Variants in CD101 observed in about 807,000 individuals in gnomAD.
CD101 encodes the protein immunoglobulin superfamily member 2.
CD101 carries 76 observed loss-of-function variants against 98.2 expected under a neutral mutation model. The observed-to-expected ratio is 0.77, with a 90% CI of 0.64 to 0.94. The LOEUF is 0.94. Among genes scored for constraint, CD101 ranks in the 40% least tolerant of loss-of-function variants. The pLI is 0.00. For missense variants in CD101, 1,145 were observed against 1,218.8 expected, an observed-to-expected ratio of 0.94 and a Z score of 0.90; for synonymous variants, 471 against 472.7, an observed-to-expected ratio of 1.00 and a Z score of 0.05.
In CD101 at chr1:117,010,888, GC is replaced by G. The variant is rs922079960; in HGVS notation, c.424+659del. Among the ~76,000 whole-genome samples the G allele has an allele frequency of 2.0e-5, 3 of 152,032 alleles. No homozygotes were observed. The highest frequency in any genetic ancestry group is 4.4e-5 in the Non-Finnish European group (3 of 68,016). ...CATGTATCCAGTTACATGGTAATTG[GC>G]TATTTGTATGCCTCTTTCCCACCAC... On this transcript the variant is annotated intron_variant, in intron 2 of 9. Coordinates refer to ENST00000682167, the MANE Select transcript of CD101 (RefSeq NM_001256106.3). The surrounding 1 kb of genome is among the most constrained non-coding windows in gnomAD (Gnocchi z 5.2).
At chr1:117,014,204 T>C (rs1653067013) in intron 4 of CD101, among the ~76,000 whole-genome samples, 1 of 145,220 alleles carries the variant, frequency 6.9e-6, no homozygotes, top group South Asian at 2.3e-4. Flanking sequence ...TGTGTGTGTG[T>C]GTGTGTGTGT....
chr1:117,031,279 G>C (rs1654447424), intron 8 of CD101, among the ~76,000 whole-genome samples: 2 of 152,160 alleles, frequency 1.3e-5, no homozygotes. Context: ...CAAGCCCTCT[G>C]GCTGTTCCTT....
chr1:117,033,653 G>A lies in CD101; in HGVS notation c.2825-207G>A, dbSNP rs1403367515. Among the ~76,000 whole-genome samples, 1 of 152,150 alleles carries A rather than the reference G, an allele frequency of 6.6e-6. No homozygotes were observed. The highest frequency in any genetic ancestry group is 1.5e-5 in the Non-Finnish European group (1 of 68,026). On this transcript the variant is annotated intron_variant, in intron 8 of 9. Coordinates refer to ENST00000682167, the MANE Select transcript of CD101 (RefSeq NM_001256106.3). The surrounding 1 kb of genome is among the most constrained non-coding windows in gnomAD (Gnocchi z 4.8). ...GTGGTTGGAAATCGCAGGGCAAGGG[G>A]CTGTTGCATTAGAAGAGCCTGTTCC...
Position 117,017,269 on chromosome 1 carries a change from C to T in CD101, c.1408C>T (p.Gln470Ter), listed in dbSNP as rs375502803. The change falls in exon 5 of 10, where the codon CAG becomes TAG. Residue 470 changes from glutamine (Q) to a stop codon, truncating the protein, a stop_gained. Transcript: ENST00000682167. LOFTEE classifies it high-confidence loss of function. Reference sequence around the variant, plus strand: ...TGGCATGGGGCAGGATGGCATTGTGCAGCTGGGTGCCTCCTATGGGGTACC... The same window carrying T: ...TGGCATGGGGCAGGATGGCATTGTGTAGCTGGGTGCCTCCTATGGGGTACC... Reference protein sequence around the residue: ...VAGMGQDGIVQLGASYGVPSY... With the variant: ...VAGMGQDGIV 1.1e-5 allele frequency: 18 copies of T among 1,614,068 alleles called. No individual in the cohort carries two copies. Among genetic ancestry groups the T allele is most frequent in the Non-Finnish European group, 1.5e-5 (18 of 1,180,034 alleles).
In CD101 at chr1:117,029,273, G is replaced by GAA. The variant is rs1289214690; in HGVS notation, c.2824+3370_2824+3371insAA. Among the ~76,000 whole-genome samples the GAA allele has an allele frequency of 4.4e-4, 57 of 128,126 alleles. 1 individual carries two copies. The highest frequency in any genetic ancestry group is 1.2e-3 in the African/African-American group (42 of 34,846). 84.1% of individuals were successfully genotyped at this position (128,126 alleles called of 152,430 possible). A position where few individuals can be genotyped will look rare whatever the true frequency, so the allele number is the denominator to read the frequency against. ...AGAAAGAAAGAAAGAAAGAAAGAAA[G>GAA]AGTAGATACGGTTGACAGTCCAACA... On this transcript the variant is annotated intron_variant, in intron 8 of 9. Transcript: ENST00000682167.
At chr1:117,026,034 C>T in intron 8 of CD101, 130 bp downstream of exon 8, 1 of 997,328 alleles carries the variant, frequency 1.0e-6, no homozygotes, top group East Asian at 2.6e-5. Flanking sequence ...TTTTCAGGTT[C>T]CCTAAAGAAG....
At position 117,005,270 on chromosome 1, in the gene CD101, C is replaced by T. The variant is rs540660661; in HGVS notation, c.43+3410C>T. ...CATTCTCCATCCCACCCCTTCCTAC[C>T]GCTCCTCACCTAGCTACTCTTTCTA... On this transcript the variant is annotated intron_variant, in intron 1 of 9. Coordinates refer to ENST00000682167, the MANE Select transcript of CD101 (RefSeq NM_001256106.3). This position sits in a 1 kb window ranked among gnomAD's most constrained non-coding sequence, Gnocchi z 4.4. Among the ~76,000 whole-genome samples the T allele has an allele frequency of 7.9e-5, 12 of 152,186 alleles. No individual in the cohort carries two copies. Among genetic ancestry groups the T allele is most frequent in the Non-Finnish European group, 1.2e-4 (8 of 67,988 alleles).
chr1:117,028,102 T>TA (rs112056134), intron 8 of CD101, among the ~76,000 whole-genome samples: 63,564 of 144,958 alleles, frequency 0.44, 14,252 homozygotes, highest in East Asian at 0.74. Context: ...AATAAATAAA[T>TA]AAATAAAATA....
rs1557782420 is a variant in CD101, at chr1:117,033,900, ACT to A, written c.2868_2869del (p.Tyr957PhefsTer54). 3.1e-6 allele frequency: 5 copies of A among 1,613,270 alleles called. No individual in the cohort carries two copies. Among genetic ancestry groups the A allele is most frequent in the Non-Finnish European group, 4.2e-6 (5 of 1,179,878 alleles). On this transcript the variant is annotated frameshift_variant, in exon 9 of 10. Transcript: ENST00000682167. LOFTEE classifies it high-confidence loss of function. The surrounding 1 kb of genome is among the most constrained non-coding windows in gnomAD (Gnocchi z 4.8). ...PSRICSSAPLLYFLFICPFVL... is the reference protein window; with the variant it reads ...PSRICSSAPLXYFLFICPFVL... ...CCAGGATCTGCTCCTCGGCCCCTTT[ACT>A]CTATTTCCTGTTCATCTGTCCCTTC...
In CD101 at chr1:117,011,944, C is replaced by T; in HGVS notation, c.819C>T (p.Thr273=). ...TCACCAAAAAGCAGACCGATCAAAC[C>T]ACTCTGAGGATCCAGCCAGCAGGTA... The part of the protein sequence containing the change: ...MFITKKQTDQ[T]TLRIQPAVKD... The change falls in exon 3 of 10, where the codon ACC becomes ACT. Residue 273 remains threonine, a synonymous_variant. Transcript: ENST00000682167. 6.2e-7 allele frequency: 1 copy of T among 1,612,740 alleles called. No individual in the cohort carries two copies. The highest frequency in any genetic ancestry group is 1.7e-5 in the Admixed American group (1 of 59,968).
chr1:117,011,335 A>G (rs147426818), intron 2 of CD101, among the ~76,000 whole-genome samples: 1 of 152,184 alleles, frequency 6.6e-6, no homozygotes, highest in Non-Finnish European at 1.5e-5. Flanking sequence ...CAACACATTG[A>G]TGAGGCATTT....
At position 117,021,140 on chromosome 1, in the gene CD101, C is replaced by G. The variant is rs969179322; in HGVS notation, c.2018-433C>G. Reference sequence around the variant, plus strand: ...ACTCTGCATAGTAAACACACAAACACAGCATTAATAGGGCCACTTTCTCCC... The same window carrying G: ...ACTCTGCATAGTAAACACACAAACAGAGCATTAATAGGGCCACTTTCTCCC... On this transcript the variant is annotated intron_variant, in intron 6 of 9. Coordinates refer to ENST00000682167, the MANE Select transcript of CD101 (RefSeq NM_001256106.3). The surrounding 1 kb of genome is among the most constrained non-coding windows in gnomAD (Gnocchi z 4.7). Among the ~76,000 whole-genome samples the G allele has an allele frequency of 1.2e-4, 18 of 152,214 alleles. No homozygotes were observed. The highest frequency in any genetic ancestry group is 4.3e-4 in the African/African-American group (18 of 41,456).
chr1:117,024,392 G>T (rs528474978), intron 7 of CD101, among the ~76,000 whole-genome samples: 5 of 152,220 alleles, frequency 3.3e-5, no homozygotes, highest in African/African-American at 1.2e-4. Flanking sequence ...CAGGATAATC[G>T]CTTGAACCCG....
intron 9 of CD101, 100 bp downstream of exon 9, chr1:117,034,234 G>GAGA: frequency 2.7e-6 from 3 of 1,097,100 alleles, no homozygotes; most frequent in Non-Finnish European, 3.9e-6. Context: ...GAATCAGAGG[G>GAGA]AGCATTCACT....
At chr1:117,014,411 A>G (rs1036073210) in intron 4 of CD101, among the ~76,000 whole-genome samples, 12 of 152,146 alleles carry the variant, frequency 7.9e-5, no homozygotes, top group African/African-American at 2.9e-4. Context: ...GTAAGAAATG[A>G]AGAGGTAATT....
chr1:117,033,792 G>A lies in CD101; in HGVS notation c.2825-68G>A, dbSNP rs1654617834. 3 of 1,595,716 alleles carry A rather than the reference G, an allele frequency of 1.9e-6. No homozygotes were observed. Among genetic ancestry groups the A allele is most frequent in the South Asian group, 1.1e-5 (1 of 89,182 alleles). ...TTGCCTATAACAATAAATCCCAGGA[G>A]TGTTTGTAATTGACTAGTACAAATA... On this transcript the variant is annotated intron_variant, in intron 8 of 9. Coordinates refer to ENST00000682167, the MANE Select transcript of CD101 (RefSeq NM_001256106.3). This position sits in a 1 kb window ranked among gnomAD's most constrained non-coding sequence, Gnocchi z 4.8.
chr1:117,018,501 A>G lies in CD101; in HGVS notation c.1958A>G (p.Asn653Ser), dbSNP rs1570728099. The G allele has an allele frequency of 1.2e-6, 2 of 1,613,302 alleles. No homozygotes were observed. The highest frequency in any genetic ancestry group is 8.5e-7 in the Non-Finnish European group (1 of 1,179,494). Residue 653 changes from asparagine to serine, a missense_variant, in exon 6 of 10, where the codon AAC (asparagine) becomes AGC (serine). By Grantham distance (46) the Asn-to-Ser change is conservative (BLOSUM62 1). Transcript: ENST00000682167. The surrounding 1 kb of genome is among the most constrained non-coding windows in gnomAD (Gnocchi z 4.3). Reference protein sequence around the residue: ...EVYDRNSLYNNRPPRASAISH... With the variant: ...EVYDRNSLYNSRPPRASAISH... ...TATGACAGAAATTCCCTATACAACA[A>G]CCGCCCCCCGAGGGCTTCTGCCATC...
In CD101 at chr1:117,034,029, G is replaced by A. The variant is rs1557782731; in HGVS notation, c.2994G>A (p.Trp998Ter). 2 of 1,614,032 alleles carry A rather than the reference G, an allele frequency of 1.2e-6. No individual in the cohort carries two copies. Among genetic ancestry groups the A allele is most frequent in the African/African-American group, 1.3e-5 (1 of 74,908 alleles). ...ACACACGGAAAGAAAAAGCTCTCTGGGTGGACTTGAAAGAGGCTGGAGGTG... is the reference window on the plus strand; with the variant it reads ...ACACACGGAAAGAAAAAGCTCTCTGAGTGGACTTGAAAGAGGCTGGAGGTG... ...RSNTRKEKAL[W>*]VDLKEAGGVT... The change falls in exon 9 of 10, where the codon TGG (tryptophan) becomes TGA (stop). Residue 998 changes from tryptophan (W) to a stop codon, truncating the protein, a stop_gained. Transcript: ENST00000682167. LOFTEE classifies it high-confidence loss of function.
Position 117,036,263 on chromosome 1 carries a change from A to C in CD101, c.*129A>C, listed in dbSNP as rs1267098012. On this transcript the variant is annotated 3_prime_UTR_variant, in exon 10 of 10. Transcript: ENST00000682167. The surrounding 1 kb of genome is among the most constrained non-coding windows in gnomAD (Gnocchi z 5.0). ...CTCCTGACAGACCCCGGCAACTTCT[A>C]GATGAACCCAAGTGAACTTTCCTCA... 2.6e-5 allele frequency: 4 copies of C among 152,286 alleles called. No individual in the cohort carries two copies. Among genetic ancestry groups the C allele is most frequent in the Non-Finnish European group, 5.9e-5 (4 of 68,108 alleles). 9.4% of individuals were successfully genotyped at this position (152,286 alleles called of 1,614,324 possible).
Sources: allele counts gnomAD v4.1 joint callset (sites outside exome capture counted in the v4.1 genomes callset), GRCh38; gene constraint gnomAD v4.1.1; non-coding constraint Gnocchi (gnomAD v3.1); transcripts MANE v1.5; gene names NCBI Gene and HGNC (gene_info 2026-07-23, HGNC 2026-07-21).